AUTS2: variants seen among roughly 807,000 people sequenced by gnomAD.
AUTS2 encodes the protein autism susceptibility gene 2 protein.
A neutral mutation model predicts 112.4 loss-of-function variants in AUTS2; 17 were observed. The ratio of observed to expected loss-of-function variants is 0.15; its 90% CI spans 0.10 to 0.23. AUTS2 has a LOEUF of 0.23. Among genes scored for constraint, AUTS2 ranks in the 10% least tolerant of loss-of-function variants. AUTS2 has a pLI of 1.00. For synonymous variants in AUTS2, 751 were observed against 702.7 expected, an observed-to-expected ratio of 1.07 and a Z score of -1.09; for missense variants, 1,510 against 1,701.6, an observed-to-expected ratio of 0.89 and a Z score of 1.98.
At position 70,777,165 on chromosome 7, in the gene AUTS2, G is replaced by A. The variant is rs933059279; in HGVS notation, c.1995G>A (p.Gln665=). Reference sequence around the variant, plus strand: ...CCTGGCAGATTTACCACCACCAACAGAAAGTCAAGGTCAGTCCGACCTTCG... The same window carrying A: ...CCTGGCAGATTTACCACCACCAACAAAAAGTCAAGGTCAGTCCGACCTTCG... ...HIAWQIYHHQ[Q]KVKKQMQSDP... Residue 665 remains glutamine, a synonymous_variant, in exon 14 of 19, where the codon CAG becomes CAA. Coordinates refer to ENST00000342771, the MANE Select transcript of AUTS2 (RefSeq NM_015570.4). 9 of 1,613,990 alleles carry A rather than the reference G, an allele frequency of 5.6e-6. No individual in the cohort carries two copies. The highest frequency in any genetic ancestry group is 6.8e-6 in the Non-Finnish European group (8 of 1,179,998).
At chr7:70,232,470 C>G (rs1812107956) in intron 4 of AUTS2, among the ~76,000 whole-genome samples, 1 of 151,936 alleles carries the variant, frequency 6.6e-6, no homozygotes, top group Non-Finnish European at 1.5e-5. Flanking sequence ...GTGGCACGAT[C>G]TTGGTGCACT....
chr7:69,860,532 T>C (rs1019195436), intron 1 of AUTS2, among the ~76,000 whole-genome samples: 3 of 152,120 alleles, frequency 2.0e-5, no homozygotes, highest in African/African-American at 7.2e-5. Flanking sequence ...AATCACAATT[T>C]ACCAGGGAAC....
chr7:69,926,341 T>C (rs1796007035), intron 2 of AUTS2, among the ~76,000 whole-genome samples: 1 of 152,212 alleles, frequency 6.6e-6, no homozygotes, highest in Non-Finnish European at 1.5e-5. Flanking sequence ...CATAAACATT[T>C]AGGGTTATGT....
chr7:70,208,970 C>T (rs576275856), intron 4 of AUTS2, among the ~76,000 whole-genome samples: 22 of 152,072 alleles, frequency 1.4e-4, no homozygotes, highest in Non-Finnish European at 2.4e-4. Context: ...GAACTTAGTT[C>T]TAAATCTAGT....
intron 5 of AUTS2, among the ~76,000 whole-genome samples, chr7:70,640,670 C>T (rs540552409): frequency 7.2e-5 from 11 of 152,144 alleles, no homozygotes; most frequent in African/African-American, 2.4e-4. Flanking sequence ...GATTGAAAGA[C>T]GGCTTGGTTC....
intron 4 of AUTS2, among the ~76,000 whole-genome samples, chr7:70,146,963 A>G (rs968763889): frequency 1.3e-5 from 2 of 152,192 alleles, no homozygotes; most frequent in African/African-American, 4.8e-5. Flanking sequence ...ATGTGTACAT[A>G]TATGTAGGTA....
intron 1 of AUTS2, among the ~76,000 whole-genome samples, chr7:69,631,525 A>T (rs1274034336): frequency 1.3e-5 from 2 of 152,244 alleles, no homozygotes; most frequent in Non-Finnish European, 2.9e-5. Context: ...GGTTAGCGTG[A>T]TGGAGGAACT....
intron 2 of AUTS2, among the ~76,000 whole-genome samples, chr7:70,072,786 A>T (rs1463453377): frequency 6.6e-6 from 1 of 152,110 alleles, no homozygotes; most frequent in Non-Finnish European, 1.5e-5. Flanking sequence ...CCTTTCATTT[A>T]AAAAAATATC....
chr7:70,164,202 G>A (rs1298487402), intron 4 of AUTS2, among the ~76,000 whole-genome samples: 11 of 152,100 alleles, frequency 7.2e-5, no homozygotes, highest in Admixed American at 7.2e-4. Flanking sequence ...AGTTTTCCCT[G>A]TTGTTACATC....
chr7:70,383,706 G>A lies in AUTS2; in HGVS notation c.661-52046G>A, dbSNP rs115471312. ...GTAAGGGTGAAAAGCCTGCCTCTCT[G>A]TCTAGGGACATCTCCATAAGACAAG... On this transcript the variant is annotated intron_variant, in intron 4 of 18. Coordinates refer to ENST00000342771, the MANE Select transcript of AUTS2 (RefSeq NM_015570.4). Among the ~76,000 whole-genome samples the A allele has an allele frequency of 8.9e-3, 1,352 of 152,316 alleles. 24 individuals carry two copies. Among genetic ancestry groups the A allele is most frequent in the African/African-American group, 0.031 (1,288 of 41,568 alleles).
intron 2 of AUTS2, among the ~76,000 whole-genome samples, chr7:69,955,330 G>A (rs1294796558): frequency 6.6e-6 from 1 of 152,064 alleles, no homozygotes; most frequent in African/African-American, 2.4e-5. Context: ...CTTCTCCTAT[G>A]CTTATCTTTG....
intron 1 of AUTS2, among the ~76,000 whole-genome samples, chr7:69,614,058 A>G (rs1380553771): frequency 6.6e-6 from 1 of 152,192 alleles, no homozygotes; most frequent in Non-Finnish European, 1.5e-5. Context: ...AGGAAATCCC[A>G]ACTGCATTTA....
At position 69,815,095 on chromosome 7, in the gene AUTS2, G is replaced by T. The variant is rs80189233; in HGVS notation, c.310-84191G>T. 2.7e-3 allele frequency among the ~76,000 whole-genome samples: 413 copies of T among 152,272 alleles called. 1 individual carries two copies. The highest frequency in any genetic ancestry group is 9.1e-3 in the African/African-American group (379 of 41,546). On this transcript the variant is annotated intron_variant, in intron 1 of 18. Transcript: ENST00000342771. ...CCTTCTGACTTGGTTTTAAGTTGCT[G>T]CCTTGTAGAATAATAAAATAGTAGC...
intron 5 of AUTS2, among the ~76,000 whole-genome samples, chr7:70,443,281 G>T (rs1796194212): frequency 6.6e-6 from 1 of 152,162 alleles, no homozygotes; most frequent in South Asian, 2.1e-4. Context: ...CTCGCAATAG[G>T]TGGGTGGTGG....
chr7:70,718,055 A>G (rs1294972109), intron 6 of AUTS2, among the ~76,000 whole-genome samples: 1 of 152,012 alleles, frequency 6.6e-6, no homozygotes, highest in African/African-American at 2.4e-5. Flanking sequence ...AGCATTCATC[A>G]CCCACCATTC....
chr7:70,330,564 C>G (rs1349482912), intron 4 of AUTS2, among the ~76,000 whole-genome samples: 1 of 152,150 alleles, frequency 6.6e-6, no homozygotes, highest in Non-Finnish European at 1.5e-5. Flanking sequence ...AAGTATAAGT[C>G]TTCCAACTTT....
At chr7:70,607,810 C>T (rs1803864603) in intron 5 of AUTS2, among the ~76,000 whole-genome samples, 1 of 152,150 alleles carries the variant, frequency 6.6e-6, no homozygotes, top group South Asian at 2.1e-4. Context: ...TAAAGAAAAG[C>T]TGTTATGCAT....
chr7:70,181,741 G>A (rs1019377561), intron 4 of AUTS2, among the ~76,000 whole-genome samples: 3 of 150,492 alleles, frequency 2.0e-5, no homozygotes, highest in African/African-American at 2.4e-5. Context: ...CGCCCCCCTC[G>A]GCCTCCCAAA....
chr7:69,763,447 C>G (rs568951810), intron 1 of AUTS2, among the ~76,000 whole-genome samples: 1 of 152,284 alleles, frequency 6.6e-6, no homozygotes, highest in South Asian at 2.1e-4. Flanking sequence ...GTAATAATAT[C>G]TGCCTTAGTA....
Sources: gnomAD v4.1 joint callset for allele counts (sites outside exome capture counted in the v4.1 genomes callset) on GRCh38, gnomAD v4.1.1 for gene constraint, MANE v1.5 for transcripts, NCBI Gene and HGNC (gene_info 2026-07-23, HGNC 2026-07-21) for gene names.